MATN2: variants seen among roughly 807,000 people sequenced by gnomAD.
MATN2 encodes matrilin 2.
In MATN2, 69 loss-of-function variants were observed where a neutral mutation model predicts 103.2. The ratio of observed to expected loss-of-function variants is 0.67; its 90% confidence interval spans 0.55 to 0.82. The LOEUF (loss-of-function observed/expected upper bound fraction) is 0.82. Among genes scored for constraint, MATN2 ranks in the 40% least tolerant of loss-of-function variants. MATN2 has a pLI of 0.00. For missense variants in MATN2, 1,023 were observed against 1,211.5 expected, an observed-to-expected ratio of 0.84 and a Z score of 2.31; for synonymous variants, 429 against 450.2, an observed-to-expected ratio of 0.95 and a Z score of 0.60.
chr8:97,939,127 T>C (rs886865865), intron 3 of MATN2, among the ~76,000 whole-genome samples: 7 of 152,040 alleles, frequency 4.6e-5, no homozygotes, highest in Admixed American at 4.6e-4. Flanking sequence ...TCCACCCACC[T>C]TGGCCTCCCA....
At chr8:98,029,467 G>A (rs1813927076) in intron 14 of MATN2, among the ~76,000 whole-genome samples, 1 of 152,170 alleles carries the variant, frequency 6.6e-6, no homozygotes, top group African/African-American at 2.4e-5. Flanking sequence ...AGAAACTGAT[G>A]TTTACTTGAT....
chr8:98,004,838 C>T (rs1365184442), intron 8 of MATN2, among the ~76,000 whole-genome samples: 1 of 152,168 alleles, frequency 6.6e-6, no homozygotes, highest in African/African-American at 2.4e-5. Context: ...AACTTGCAAG[C>T]TCTGCCAGCT....
At chr8:97,926,927 C>A (rs753925047) in intron 2 of MATN2, among the ~76,000 whole-genome samples, 2 of 152,178 alleles carry the variant, frequency 1.3e-5, no homozygotes, top group Non-Finnish European at 2.9e-5. Context: ...AGTTTCCTAA[C>A]CTTGGGGAAT....
rs1413517679 is a variant in MATN2, at chr8:98,030,500, G to C, written c.2395G>C (p.Glu799Gln). Residue 799 changes from glutamate (E) to glutamine (Q), a missense_variant, in exon 15 of 19, where the codon GAG becomes CAG. Transcript: ENST00000254898. ...TGCTGTTGGGGTAGGAAAAGCCATT[G>C]AGGAGGAACTACAAGAGATTGCCTC... ...MYAVGVGKAI[E>Q]EELQEIASEP... 1.2e-6 allele frequency: 2 copies of C among 1,613,860 alleles called. No homozygotes were observed. Among genetic ancestry groups the C allele is most frequent in the Admixed American group, 3.3e-5 (2 of 60,006 alleles).
chr8:97,957,777 T>C (rs567877362), intron 4 of MATN2, among the ~76,000 whole-genome samples: 1 of 152,294 alleles, frequency 6.6e-6, no homozygotes, highest in South Asian at 2.1e-4. Flanking sequence ...ACTTTTTATC[T>C]GTTAGGTTCA....
chr8:97,974,797 CACAT>C (rs1411583328), intron 5 of MATN2, among the ~76,000 whole-genome samples: 10 of 152,176 alleles, frequency 6.6e-5, no homozygotes, highest in African/African-American at 2.2e-4. Flanking sequence ...GTACAAATGA[CACAT>C]ACAGGTTTGG....
At chr8:97,949,111 A>G (rs762103480) in intron 4 of MATN2, among the ~76,000 whole-genome samples, 2 of 152,158 alleles carry the variant, frequency 1.3e-5, no homozygotes, top group Non-Finnish European at 2.9e-5. Flanking sequence ...GTGAAGAAGC[A>G]CATGAAGAGA....
intron 4 of MATN2, among the ~76,000 whole-genome samples, chr8:97,946,820 CATT>C (rs1810766910): frequency 6.6e-6 from 1 of 152,134 alleles, no homozygotes; most frequent in Non-Finnish European, 1.5e-5. Context: ...ATGTTCCCAA[CATT>C]ATTTTTCCCA....
intron 11 of MATN2, among the ~76,000 whole-genome samples, chr8:98,017,714 T>A (rs1813413866): frequency 6.6e-6 from 1 of 152,240 alleles, no homozygotes; most frequent in African/African-American, 2.4e-5. Context: ...CATTCTGATA[T>A]CAGAAACTAT....
chr8:97,945,716 A>AT (rs1340312263), intron 4 of MATN2, among the ~76,000 whole-genome samples: 1,923 of 79,990 alleles, frequency 0.024, 28 homozygotes, highest in East Asian at 0.087. Flanking sequence ...AAAAAAAAAA[A>AT]AATATATATA....
At chr8:97,994,072 G>A (rs1260006110) in intron 6 of MATN2, among the ~76,000 whole-genome samples, 1 of 136,180 alleles carries the variant, frequency 7.3e-6, no homozygotes, top group African/African-American at 2.9e-5. Context: ...AAGAAAGAAA[G>A]AAAAAGAAAG....
At chr8:97,904,414 T>C (rs940863379) in intron 2 of MATN2, among the ~76,000 whole-genome samples, 4 of 152,224 alleles carry the variant, frequency 2.6e-5, no homozygotes, top group African/African-American at 9.6e-5. Context: ...AGCTGTGTTT[T>C]AATAGGGGAC....
At chr8:97,875,690 GTTTTT>G (rs763539274) in intron 1 of MATN2, among the ~76,000 whole-genome samples, 1 of 82,034 alleles carries the variant, frequency 1.2e-5, no homozygotes, top group African/African-American at 5.4e-5. Context: ...GTATTTGCCT[GTTTTT>G]TTTTTTTTTT....
intron 2 of MATN2, among the ~76,000 whole-genome samples, chr8:97,888,520 C>T (rs1563647239): frequency 6.6e-6 from 1 of 152,114 alleles, no homozygotes; most frequent in African/African-American, 2.4e-5. Flanking sequence ...CTGAAAATGT[C>T]CTTGTTGTTG....
At chr8:97,984,486 A>G (rs146999767) in intron 6 of MATN2, among the ~76,000 whole-genome samples, 196 of 152,342 alleles carry the variant, frequency 1.3e-3, no homozygotes, top group African/African-American at 4.5e-3. Flanking sequence ...TTTGTGCTCA[A>G]TGAATGATTG....
intron 13 of MATN2, among the ~76,000 whole-genome samples, chr8:98,024,270 C>T (rs750065384): frequency 3.3e-5 from 5 of 152,084 alleles, no homozygotes; most frequent in Admixed American, 6.6e-5. Context: ...CTTGAGAGGC[C>T]GAAGCGGGCG....
Position 97,893,597 on chromosome 8 carries a change from T to TTTATTTATTTAA in MATN2, c.142+5355_142+5356insTTATTTATTTAA, listed in dbSNP as rs58634993. Among the ~76,000 whole-genome samples, 425 of 77,732 alleles carry TTTATTTATTTAA rather than the reference T, an allele frequency of 5.5e-3. 4 individuals carry two copies. Among genetic ancestry groups the TTTATTTATTTAA allele is most frequent in the South Asian group, 0.016 (40 of 2,480 alleles). The allele number at this position is 77,732 out of a possible 152,430, so 51.0% of individuals were successfully genotyped here. A position where few individuals can be genotyped will look rare whatever the true frequency, so the allele number is the denominator to read the frequency against. Reference sequence around the variant, plus strand: ...ATTTATTTATTTATTTATTTATTTATGATAGAGTCTTGCTGTGTCACCAGG... The same window carrying TTTATTTATTTAA: ...ATTTATTTATTTATTTATTTATTTATTTATTTATTTAAGATAGAGTCTTGCTGTGTCACCAGG... On this transcript the variant is annotated intron_variant, in intron 2 of 18. Coordinates refer to ENST00000254898, the MANE Select transcript of MATN2 (RefSeq NM_002380.5).
chr8:98,029,616 A>AT (rs1470723243), intron 14 of MATN2, among the ~76,000 whole-genome samples: 1 of 152,220 alleles, frequency 6.6e-6, no homozygotes, highest in Non-Finnish European at 1.5e-5. Flanking sequence ...CCGGACAAAT[A>AT]TGCTGAACTT....
intron 5 of MATN2, among the ~76,000 whole-genome samples, chr8:97,971,943 C>A (rs1032323881): frequency 1.3e-5 from 2 of 151,602 alleles, no homozygotes; most frequent in Admixed American, 6.6e-5. Flanking sequence ...AGCCTGTAAT[C>A]CCAGCACTTC....
Sources: allele counts gnomAD v4.1 joint callset (sites outside exome capture counted in the v4.1 genomes callset), GRCh38; gene constraint gnomAD v4.1.1; transcripts MANE v1.5; gene names NCBI Gene and HGNC (gene_info 2026-07-23, HGNC 2026-07-21).